FAM135B: variants seen among roughly 807,000 people sequenced by gnomAD.
FAM135B encodes protein FAM135B.
FAM135B carries 43 observed loss-of-function variants against 127.7 expected under a neutral mutation model. That is an observed-to-expected ratio of 0.34 (90% CI 0.26 to 0.43). The LOEUF is 0.43. Among genes scored for constraint, FAM135B ranks in the 20% least tolerant of loss-of-function variants. FAM135B has a pLI of 1.00. For missense variants in FAM135B, 1,558 were observed against 1,725.6 expected (o/e 0.90, Z 1.72); for synonymous variants, 670 against 665.1 (o/e 1.01, Z -0.11).
chr8:138,314,896 A>T (rs927671582), intron 2 of FAM135B, among the ~76,000 whole-genome samples: 1 of 150,554 alleles, frequency 6.6e-6, no homozygotes, highest in South Asian at 2.1e-4. Flanking sequence ...AAAAAAAAAA[A>T]AAAAAATTCG....
chr8:138,297,249 AGCC>A (rs928239334), intron 3 of FAM135B, among the ~76,000 whole-genome samples: 8 of 152,254 alleles, frequency 5.3e-5, no homozygotes, highest in African/African-American at 1.9e-4. Context: ...GGACAGGCAG[AGCC>A]GCTGCCGTTT....
At chr8:138,148,730 A>T in intron 13 of FAM135B, 44 bp from the exon 14 acceptor site, 2 of 1,466,970 alleles carry the variant, frequency 1.4e-6, no homozygotes, top group Non-Finnish European at 1.9e-6. Flanking sequence ...TGTGTACTTC[A>T]TGTTGAACAG....
At chr8:138,298,953 G>A (rs895957887) in intron 3 of FAM135B, among the ~76,000 whole-genome samples, 5 of 151,722 alleles carry the variant, frequency 3.3e-5, no homozygotes, top group Non-Finnish European at 5.9e-5. Flanking sequence ...CCAGCTACTC[G>A]GGAGGCTGAG....
At chr8:138,160,542 C>A (rs1487371179) in intron 12 of FAM135B, among the ~76,000 whole-genome samples, 1 of 146,810 alleles carries the variant, frequency 6.8e-6, no homozygotes, top group Non-Finnish European at 1.5e-5. Context: ...GCACATGCCA[C>A]CATGCCCAGC....
chr8:138,449,502 A>G (rs1427407924), intron 1 of FAM135B, among the ~76,000 whole-genome samples: 1 of 152,054 alleles, frequency 6.6e-6, no homozygotes, highest in Non-Finnish European at 1.5e-5. Context: ...GCCGTAACCA[A>G]TACGAAGGGG....
chr8:138,364,611 C>A (rs1036742183), intron 2 of FAM135B, among the ~76,000 whole-genome samples: 1 of 152,102 alleles, frequency 6.6e-6, no homozygotes. Context: ...TAAGAATATT[C>A]CTAATCTTCT....
chr8:138,393,137 C>T (rs760792243), intron 1 of FAM135B, among the ~76,000 whole-genome samples: 18 of 152,078 alleles, frequency 1.2e-4, no homozygotes, highest in Non-Finnish European at 2.4e-4. Flanking sequence ...TTACTATCAC[C>T]AGAACAGCAT....
At chr8:138,382,286 G>A (rs1313999268) in intron 1 of FAM135B, among the ~76,000 whole-genome samples, 35 of 152,098 alleles carry the variant, frequency 2.3e-4, no homozygotes, top group South Asian at 4.1e-4. Flanking sequence ...AAAATTTCTC[G>A]GGAGCCAGAG....
chr8:138,441,769 G>A (rs956564454), intron 1 of FAM135B: 5 of 150,394 alleles, frequency 3.3e-5, no homozygotes, highest in South Asian at 2.1e-4. Context: ...ATTCAAATTC[G>A]ATCATATGAG....
chr8:138,149,974 T>A (rs1817991318), intron 13 of FAM135B, among the ~76,000 whole-genome samples: 1 of 152,214 alleles, frequency 6.6e-6, no homozygotes, highest in South Asian at 2.1e-4. Context: ...ACAAGTACCA[T>A]ATGATAGGTA....
chr8:138,328,104 A>G (rs1006556621), intron 2 of FAM135B, among the ~76,000 whole-genome samples: 1 of 152,158 alleles, frequency 6.6e-6, no homozygotes, highest in African/African-American at 2.4e-5. Context: ...GAACCCCAGC[A>G]TACTTCTTCA....
At chr8:138,392,080 A>C (rs1466462960) in intron 1 of FAM135B, among the ~76,000 whole-genome samples, 1 of 152,204 alleles carries the variant, frequency 6.6e-6, no homozygotes, top group African/African-American at 2.4e-5. Flanking sequence ...GAACCAAATA[A>C]CATATGGAAA....
In FAM135B at chr8:138,141,480, A is replaced by T; in HGVS notation, c.3639-131T>A. ...ATGTAGGGGAACTGGCAAAGAGAAC[A>T]GGGACTGCCAACTCAACCTCATCAG... is the stretch of plus-strand genomic sequence containing the variant. On this transcript the variant is annotated intron_variant, in intron 16 of 19. Transcript: ENST00000395297. This position sits in a 1 kb window ranked among gnomAD's most constrained non-coding sequence, Gnocchi z 4.7. The T allele has an allele frequency of 1.1e-6, 1 of 906,172 alleles. No individual in the cohort carries two copies. 56.1% of individuals were successfully genotyped at this position (906,172 alleles called of 1,614,324 possible).
chr8:138,335,955 C>T (rs1828547273), intron 2 of FAM135B, among the ~76,000 whole-genome samples: 1 of 152,170 alleles, frequency 6.6e-6, no homozygotes, highest in Admixed American at 6.5e-5. Flanking sequence ...AAGAAACTCA[C>T]TCAAAACCGC....
chr8:138,132,877 C>G lies in FAM135B; in HGVS notation c.4016-79G>C. The G allele has an allele frequency of 7.6e-6, 10 of 1,310,214 alleles. No homozygotes were observed. Among genetic ancestry groups the G allele is most frequent in the Non-Finnish European group, 1.1e-5 (10 of 908,610 alleles). 81.2% of individuals were successfully genotyped at this position (1,310,214 alleles called of 1,614,324 possible). The stretch of plus-strand genomic sequence containing the variant: ...CTAGAGAACATCACTAGATGTGTGT[C>G]GAAATTCTGTTCCTGGGCAGACCTG... On this transcript the variant is annotated intron_variant, in intron 19 of 19. Transcript: ENST00000395297. The surrounding 1 kb of genome is among the most constrained non-coding windows in gnomAD (Gnocchi z 4.5).
intron 2 of FAM135B, among the ~76,000 whole-genome samples, chr8:138,357,240 C>T (rs552658063): frequency 1.3e-5 from 2 of 152,032 alleles, no homozygotes; most frequent in South Asian, 4.1e-4. Flanking sequence ...ATAAAATGCT[C>T]TTAAATGCAT....
intron 11 of FAM135B, among the ~76,000 whole-genome samples, chr8:138,176,641 A>G (rs12543984): frequency 0.63 from 95,676 of 152,094 alleles, 30,813 homozygotes; most frequent in East Asian, 0.98. Flanking sequence ...CTCCACGTCC[A>G]TCTTGAGTGA....
At position 138,185,644 on chromosome 8, in the gene FAM135B, G is replaced by T. The variant is rs1429458106; in HGVS notation, c.874-6954C>A. Among the ~76,000 whole-genome samples the T allele has an allele frequency of 2.0e-5, 3 of 152,270 alleles. No homozygotes were observed. The South Asian group carries it at 6.2e-4, about 32-fold the overall frequency. On this transcript the variant is annotated intron_variant, in intron 9 of 19. Transcript: ENST00000395297. ...ATCATTAGTAGTCCCTGCTAGGAGG[G>T]TATAGCTCTGGGAAAGACTACGTGA...
rs1478743614 is a variant in FAM135B, at chr8:138,152,672, G to A, written c.1803C>T (p.His601=). 3 of 1,614,014 alleles carry A rather than the reference G, an allele frequency of 1.9e-6. No individual in the cohort carries two copies. Among genetic ancestry groups the A allele is most frequent in the Non-Finnish European group, 1.7e-6 (2 of 1,180,030 alleles). The change falls in exon 13 of 20, where the codon CAC becomes CAT. Residue 601 remains histidine, a synonymous_variant. Transcript: ENST00000395297. ...GLSKVVVGGS[H]QNAISSDKTT... is the part of the protein sequence containing the mutation. The stretch of plus-strand genomic sequence containing the variant: ...TTTTGTCTGAAGAGATGGCATTTTG[G>A]TGGCTTCCACCTACTACCACTTTGC...
Sources: gnomAD v4.1 joint callset for allele counts (sites outside exome capture counted in the v4.1 genomes callset) on GRCh38, gnomAD v4.1.1 for gene constraint, Gnocchi (gnomAD v3.1) non-coding constraint, MANE v1.5 for transcripts, NCBI Gene and HGNC (gene_info 2026-07-23, HGNC 2026-07-21) for gene names.